The following CLEC2A variants were observed in gnomAD, a reference collection of about 807,000 sequenced individuals.
The protein encoded by CLEC2A is keratinocyte-associated C-type lectin.
CLEC2A carries 19 observed loss-of-function variants against 18.6 expected under a neutral mutation model. The ratio of observed to expected loss-of-function variants is 1.02; its 90% CI spans 0.71 to 1.50. The LOEUF is 1.50. Ranked by LOEUF, CLEC2A falls within the 40% of genes most tolerant of loss-of-function variation. The pLI is 0.00. For missense variants in CLEC2A, 190 were observed against 207.9 expected (o/e 0.91, Z 0.53); for synonymous variants, 74 against 64.0 (o/e 1.16, Z -0.75).
chr12:9,926,828 G>A (rs1863280758), intron 1 of CLEC2A, among the ~76,000 whole-genome samples: 1 of 152,230 alleles, frequency 6.6e-6, no homozygotes, highest in South Asian at 2.1e-4. Flanking sequence ...TAAACAATGT[G>A]TTTCAGCCAG....
intron 2 of CLEC2A, 72 bp downstream of exon 2, chr12:9,926,188 G>T: frequency 1.1e-6 from 1 of 914,616 alleles, no homozygotes; most frequent in Non-Finnish European, 1.7e-6. Context: ...GAGATTTGGA[G>T]TTAAACTTGA....
At chr12:9,900,810 C>T (rs1269153545) in intron 4 of CLEC2A, among the ~76,000 whole-genome samples, 1 of 152,134 alleles carries the variant, frequency 6.6e-6, no homozygotes, top group African/African-American at 2.4e-5. Flanking sequence ...GAGATTGACT[C>T]CTTAAAGGCA....
At chr12:9,893,158 T>G in the CLEC2A span, 2 of 1,532,214 alleles carry the variant, frequency 1.3e-6, no homozygotes, top group African/African-American at 1.4e-5. Flanking sequence ...ATTCAAAATT[T>G]GGATGAGCTG....
Position 9,932,272 on chromosome 12 carries a change from T to A in CLEC2A, c.55+3A>T. 1.3e-6 allele frequency: 2 copies of A among 1,547,706 alleles called. No individual in the cohort carries two copies. The highest frequency in any genetic ancestry group is 1.7e-6 in the Non-Finnish European group (2 of 1,143,190). On this transcript the variant is annotated splice_donor_region_variant and intron_variant, in intron 1 of 4. Transcript: ENST00000455827. ...TCCTTCTCATTCACTCTATAAAACT[T>A]ACCTATCCGATGTATGAAGCCATCA...
chr12:9,910,842 A>G (rs1247764666), downstream of CLEC2A, among the ~76,000 whole-genome samples: 2 of 152,098 alleles, frequency 1.3e-5, no homozygotes, highest in South Asian at 2.1e-4. Context: ...AGTGTGACGC[A>G]TCTCCTCATG....
downstream of CLEC2A, among the ~76,000 whole-genome samples, chr12:9,911,540 C>A (rs1341285126): frequency 6.6e-6 from 1 of 152,218 alleles, no homozygotes; most frequent in Non-Finnish European, 1.5e-5. Context: ...TTGACTCCAA[C>A]CTGCATAATT....
chr12:9,905,462 G>T (rs1260932121), intron 4 of CLEC2A, among the ~76,000 whole-genome samples: 1 of 152,210 alleles, frequency 6.6e-6, no homozygotes, highest in African/African-American at 2.4e-5. Context: ...TGAGGAATTG[G>T]TCTTTAGTTT....
At chr12:9,926,541 G>A (rs980771450) in intron 1 of CLEC2A, among the ~76,000 whole-genome samples, 198 bp from the exon 2 acceptor site, 2 of 152,126 alleles carry the variant, frequency 1.3e-5, no homozygotes, top group African/African-American at 2.4e-5. Flanking sequence ...ATAGCTGTTC[G>A]GCTCGAGAGA....
In CLEC2A at chr12:9,929,338, C is replaced by G. The variant is rs76363057; in HGVS notation, c.55+2937G>C. ...TAGTAGTTACAGTGAACATTTTTTT[C>G]TTGTTTTTAATCTTAAATGGAATGT... On this transcript the variant is annotated intron_variant, in intron 1 of 4. Transcript: ENST00000455827. Among the ~76,000 whole-genome samples, 818 of 152,010 alleles carry G rather than the reference C, an allele frequency of 5.4e-3. 10 individuals are homozygous for G. The highest frequency in any genetic ancestry group is 0.018 in the African/African-American group (747 of 41,478).
downstream of CLEC2A, among the ~76,000 whole-genome samples, chr12:9,896,991 C>T (rs781153416): frequency 2.6e-5 from 4 of 151,712 alleles, no homozygotes; most frequent in Admixed American, 6.6e-5. Context: ...TCTTGAGTAG[C>T]TGGGATTACA....
At chr12:9,904,544 A>G (rs775191083) in intron 4 of CLEC2A, among the ~76,000 whole-genome samples, 1 of 152,032 alleles carries the variant, frequency 6.6e-6, no homozygotes, top group African/African-American at 2.4e-5. Context: ...ATGGGAGGAG[A>G]GCGCTGAGCC....
downstream of CLEC2A, among the ~76,000 whole-genome samples, chr12:9,910,132 G>T (rs574642340): frequency 6.6e-6 from 1 of 152,282 alleles, no homozygotes; most frequent in East Asian, 1.9e-4. Flanking sequence ...ATTTTGGCCA[G>T]AAAATTGAGG....
chr12:9,894,753 T>C (rs767646080), downstream of CLEC2A, among the ~76,000 whole-genome samples: 4 of 152,206 alleles, frequency 2.6e-5, no homozygotes, highest in Non-Finnish European at 5.9e-5. Context: ...ATTATCATCC[T>C]TCATGAGCAT....
chr12:9,890,075 C>T, the CLEC2A span, among the ~76,000 whole-genome samples: 1 of 152,024 alleles, frequency 6.6e-6, no homozygotes, highest in Non-Finnish European at 1.5e-5. Flanking sequence ...TCTGTATCTC[C>T]ACCATCATCA....
chr12:9,898,683 T>C (rs888264172), exon 5 of CLEC2A: 2 of 465,594 alleles, frequency 4.3e-6, no homozygotes, highest in Non-Finnish European at 7.7e-6. Context: ...CAAGAAGTTT[T>C]CTGTAGTTTA....
chr12:9,880,311 T>C, the CLEC2A span, among the ~76,000 whole-genome samples: 1,094 of 152,244 alleles, frequency 7.2e-3, 11 homozygotes, highest in Non-Finnish European at 9.1e-3. Context: ...GAGGTACATA[T>C]AGAGATCATG....
At chr12:9,897,053 T>G (rs1325269868), downstream of CLEC2A, among the ~76,000 whole-genome samples, 1 of 152,000 alleles carries the variant, frequency 6.6e-6, no homozygotes, top group African/African-American at 2.4e-5. Context: ...AGAGACGAGG[T>G]TTCACCATGT....
chr12:9,915,013 A>G (rs1322675304), intron 4 of CLEC2A, among the ~76,000 whole-genome samples: 1 of 151,886 alleles, frequency 6.6e-6, no homozygotes, highest in African/African-American at 2.4e-5. Flanking sequence ...AATTTATAAG[A>G]AAAAAAACAT....
chr12:9,889,061 T>TTTATCGAGCATCCACTGATAG, the CLEC2A span, among the ~76,000 whole-genome samples: 1 of 152,186 alleles, frequency 6.6e-6, no homozygotes. Context: ...TTGCCAAATA[T>TTTATCGAGCATCCACTGATAG]TTATCGAGCA....
Sources: gnomAD v4.1 joint callset for allele counts (sites outside exome capture counted in the v4.1 genomes callset) on GRCh38, gnomAD v4.1.1 for gene constraint, MANE v1.5 for transcripts, NCBI Gene and HGNC (gene_info 2026-07-23, HGNC 2026-07-21) for gene names.